The following TRIM34 variants were observed in gnomAD, a reference collection of about 807,000 sequenced individuals.
TRIM34 encodes tripartite motif containing 34, also known as E3 ubiquitin-protein ligase TRIM34.
A neutral mutation model predicts 38.1 loss-of-function variants in TRIM34; 41 were observed. That is an observed-to-expected ratio of 1.08 (90% CI 0.84 to 1.40). TRIM34 has a LOEUF of 1.40. Among genes scored for constraint, TRIM34 ranks in the 40% most tolerant of loss-of-function variants. The pLI is 0.00. For missense variants in TRIM34, 556 were observed against 571.4 expected (o/e 0.97, Z 0.27); for synonymous variants, 200 against 202.5 (o/e 0.99, Z 0.10).
At chr11:5,628,672 C>G (rs2133914996) in intron 1 of TRIM34, among the ~76,000 whole-genome samples, 1 of 152,308 alleles carries the variant, frequency 6.6e-6, no homozygotes, top group Middle Eastern at 3.4e-3. Context: ...CTTTCACTAT[C>G]AAACCTGTTC....
Position 5,632,459 on chromosome 11 carries a change from A to G in TRIM34, c.128A>G (p.Asn43Ser). The G allele has an allele frequency of 3.7e-6, 6 of 1,614,058 alleles. No individual in the cohort carries two copies. The highest frequency in any genetic ancestry group is 5.1e-6 in the Non-Finnish European group (6 of 1,180,000). ...TGCCGAGCCTGCATCACTGTGAGCA[A>G]CAAGGAGGCAGTGACCAGCATGGGA... is the stretch of plus-strand genomic sequence containing the variant. ...SLCRACITVS[N>S]KEAVTSMGGK... The change falls in exon 2 of 8, where the codon AAC becomes AGC. Residue 43 changes from asparagine (N) to serine (S), a missense_variant. By Grantham distance (46) the Asn-to-Ser change is conservative (BLOSUM62 1). Transcript: ENST00000429814.
chr11:5,629,284 A>C (rs951107142), intron 1 of TRIM34, among the ~76,000 whole-genome samples: 9 of 152,168 alleles, frequency 5.9e-5, no homozygotes, highest in Admixed American at 1.3e-4. Flanking sequence ...CTCAAAAAAA[A>C]ACAAAAACTA....
intron 5 of TRIM34, 101 bp downstream of exon 5, chr11:5,641,290 G>A: frequency 6.3e-7 from 1 of 1,585,486 alleles, no homozygotes; most frequent in Non-Finnish European, 8.6e-7. Context: ...ATCTCCCAGA[G>A]TAGTAAAATT....
upstream of TRIM34, among the ~76,000 whole-genome samples, chr11:5,620,629 CTCTG>C (rs998053397): frequency 3.4e-4 from 52 of 151,882 alleles, no homozygotes; most frequent in African/African-American, 1.2e-3. Context: ...AAATCACTTT[CTCTG>C]TCTGCCCAGC....
Position 5,643,333 on chromosome 11 carries a change from G to T in TRIM34, c.1091G>T (p.Gly364Val). Reference protein sequence around the residue: ...DVSKKTAWILGVYCRTYSRHM... With the variant: ...DVSKKTAWILVVYCRTYSRHM... ...TCCAAGAAAACTGCCTGGATCCTGG[G>T]GGTATACTGTAGAACATATTCCCGC... Residue 364 changes from glycine (G) to valine (V), a missense_variant, in exon 8 of 8, where the codon GGG becomes GTG. Physicochemically the swap from Gly to Val is moderately radical, Grantham distance 109. Coordinates refer to ENST00000429814, the MANE Select transcript of TRIM34 (RefSeq NM_021616.6). 1 of 1,613,858 alleles carries T rather than the reference G, an allele frequency of 6.2e-7. No homozygotes were observed. Among genetic ancestry groups the T allele is most frequent in the Middle Eastern group, 1.6e-4 (1 of 6,062 alleles).
chr11:5,626,276 A>T (rs1849224764), intron 1 of TRIM34, among the ~76,000 whole-genome samples: 1 of 152,122 alleles, frequency 6.6e-6, no homozygotes, highest in South Asian at 2.1e-4. Flanking sequence ...TATACGTGGA[A>T]GCCTACATCC....
In TRIM34 at chr11:5,643,855, G is replaced by C. The variant is rs1280659160; in HGVS notation, c.*146G>C. 28 of 1,042,038 alleles carry C rather than the reference G, an allele frequency of 2.7e-5. No homozygotes were observed. Among genetic ancestry groups the C allele is most frequent in the Non-Finnish European group, 3.3e-5 (24 of 733,898 alleles). The allele number at this position is 1,042,038 out of a possible 1,614,324, so 64.5% of individuals were successfully genotyped here. A position where few individuals can be genotyped will look rare whatever the true frequency, so the allele number is the denominator to read the frequency against. On this transcript the variant is annotated 3_prime_UTR_variant, in exon 8 of 8. Transcript: ENST00000429814. ...TTGAGATGTATGGTGTATTTGGCTT[G>C]AGTTATGAGAGATGCTTATTTATTC...
intron 4 of TRIM34, among the ~76,000 whole-genome samples, chr11:5,635,765 T>A (rs535445056): frequency 3.3e-5 from 5 of 152,338 alleles, no homozygotes; most frequent in East Asian, 1.9e-4. Context: ...CAGCTTTTTT[T>A]AAATTCCTTT....
chr11:5,638,549 C>T (rs1417358395), intron 4 of TRIM34, among the ~76,000 whole-genome samples: 1 of 152,170 alleles, frequency 6.6e-6, no homozygotes, highest in Non-Finnish European at 1.5e-5. Context: ...AATTAACCCA[C>T]AGTGGTGATG....
At chr11:5,624,278 C>A (rs1031506074), upstream of TRIM34, among the ~76,000 whole-genome samples, 1 of 151,976 alleles carries the variant, frequency 6.6e-6, no homozygotes, top group Non-Finnish European at 1.5e-5. Flanking sequence ...TAATATGCAC[C>A]CATTTACTGT....
At chr11:5,633,971 T>C (rs1316414119) in intron 3 of TRIM34, 72 bp downstream of exon 3, 40 of 1,516,092 alleles carry the variant, frequency 2.6e-5, no homozygotes, top group Middle Eastern at 1.7e-4. Context: ...GGCCTCGTCC[T>C]TTTTATTCCT....
intron 1 of TRIM34, among the ~76,000 whole-genome samples, chr11:5,628,259 G>C (rs939120459): frequency 6.6e-6 from 1 of 152,146 alleles, no homozygotes. Flanking sequence ...GGAGCCCCCC[G>C]GTATTTCTAA....
At chr11:5,642,781 T>C in intron 6 of TRIM34, 36 bp from the exon 7 acceptor site, 1 of 1,613,688 alleles carries the variant, frequency 6.2e-7, no homozygotes, top group South Asian at 1.1e-5. Flanking sequence ...ACTCCTTTGT[T>C]TCTAATCAGC....
In TRIM34 at chr11:5,642,459, C is replaced by G; in HGVS notation, c.827C>G (p.Thr276Ser). Residue 276 changes from threonine (T) to serine (S), a missense_variant, in exon 6 of 8, where the codon ACT becomes AGT. Physicochemically the swap from Thr to Ser is moderately conservative, Grantham distance 58. Transcript: ENST00000429814. ...KPKMVSKKLK[T>S]VFHAPDLSRM... ...AAAATGGTTTCCAAGAAACTGAAGA[C>G]TGTATTCCATGCTCCAGATCTGAGT... 1 of 1,613,894 alleles carries G rather than the reference C, an allele frequency of 6.2e-7. No individual in the cohort carries two copies. Among genetic ancestry groups the G allele is most frequent in the Non-Finnish European group, 8.5e-7 (1 of 1,179,982 alleles).
intron 1 of TRIM34, among the ~76,000 whole-genome samples, chr11:5,627,600 A>G (rs991842543): frequency 2.0e-5 from 3 of 152,232 alleles, no homozygotes; most frequent in Admixed American, 2.0e-4. Flanking sequence ...TTTTGGAGAT[A>G]TATTGACCAG....
intron 1 of TRIM34, among the ~76,000 whole-genome samples, chr11:5,627,329 G>A (rs10838452): frequency 0.24 from 36,864 of 151,824 alleles, 4,886 homozygotes; most frequent in East Asian, 0.46. Context: ...GCAGTGAGCC[G>A]AGATCATGCC....
At chr11:5,627,483 G>A (rs1849296946) in intron 1 of TRIM34, among the ~76,000 whole-genome samples, 2 of 152,102 alleles carry the variant, frequency 1.3e-5, no homozygotes, top group Admixed American at 1.3e-4. Context: ...GAGGTGGTTG[G>A]AAACTAATTT....
At chr11:5,641,282 C>T in intron 5 of TRIM34, 93 bp downstream of exon 5, 1 of 1,592,908 alleles carries the variant, frequency 6.3e-7, no homozygotes, top group Non-Finnish European at 8.6e-7. Flanking sequence ...AATAAAAAAT[C>T]TCCCAGAGTA....
Position 5,643,584 on chromosome 11 carries a change from A to G in TRIM34, c.1342A>G (p.Asn448Asp). 2 of 1,614,046 alleles carry G rather than the reference A, an allele frequency of 1.2e-6. No homozygotes were observed. The highest frequency in any genetic ancestry group is 2.2e-5 in the South Asian group (2 of 91,070). ...TGAAGCAGGCATTGTCTCATTTTTC[A>G]ATGTCACAAGCCATGGCTCCCTCAT... is the stretch of plus-strand genomic sequence containing the variant. ...DYEAGIVSFF[N>D]VTSHGSLIYK... The change falls in exon 8 of 8, where the codon AAT becomes GAT. Residue 448 changes from asparagine to aspartate, a missense_variant. Coordinates refer to ENST00000429814, the MANE Select transcript of TRIM34 (RefSeq NM_021616.6).
Sources: allele counts gnomAD v4.1 joint callset (sites outside exome capture counted in the v4.1 genomes callset), GRCh38; gene constraint gnomAD v4.1.1; transcripts MANE v1.5; gene names NCBI Gene and HGNC (gene_info 2026-07-23, HGNC 2026-07-21).